Variants in VTA1 observed in about 807,000 individuals in gnomAD.
VTA1 encodes the protein vesicle trafficking 1.
In VTA1, 24 loss-of-function variants were observed where a neutral mutation model predicts 36.9. The observed-to-expected ratio is 0.65, with a 90% CI of 0.47 to 0.91. VTA1 has a LOEUF of 0.91. Ranked by LOEUF, VTA1 falls within the 40% of genes least tolerant of loss-of-function variation. The pLI is 0.00. For synonymous variants in VTA1, 142 were observed against 130.2 expected, an observed-to-expected ratio of 1.09 and a Z score of -0.62; for missense variants, 393 against 377.2, an observed-to-expected ratio of 1.04 and a Z score of -0.35.
chr6:142,168,740 C>CATTATTATT lies in VTA1; in HGVS notation c.208-776_208-768dup, dbSNP rs3079231. ...TCACACTATGTGCTCTGAGAGATAT[C>CATTATTATT]ATTATTATTATTATTATTATTATTA... On this transcript the variant is annotated intron_variant, in intron 2 of 7. Transcript: ENST00000367630. Among the ~76,000 whole-genome samples, 352 of 140,796 alleles carry CATTATTATT rather than the reference C, an allele frequency of 2.5e-3. 1 individual carries two copies. Among genetic ancestry groups the CATTATTATT allele is most frequent in the African/African-American group, 3.2e-3 (122 of 38,588 alleles). The allele number at this position is 140,796 out of a possible 152,430, so 92.4% of individuals were successfully genotyped here.
At chr6:142,151,669 C>T (rs1379150976) in intron 1 of VTA1, among the ~76,000 whole-genome samples, 2 of 152,218 alleles carry the variant, frequency 1.3e-5, no homozygotes, top group Admixed American at 6.5e-5. Context: ...TAGACATTCT[C>T]TTTAAACTAA....
rs1466152319 is a variant in VTA1 at position 142,153,452 on chromosome 6, A to G, written c.112+6053A>G. ...TTTATAATGAATTTTAGATTGAGTC[A>G]TAGGTCATATTATCATATGATTTAC... On this transcript the variant is annotated intron_variant, in intron 1 of 7. Coordinates refer to ENST00000367630, the MANE Select transcript of VTA1 (RefSeq NM_016485.5). Among the ~76,000 whole-genome samples, 3 of 151,990 alleles carry G rather than the reference A, an allele frequency of 2.0e-5. No individual in the cohort carries two copies. In the East Asian group the frequency reaches 5.8e-4, roughly 29 times the overall value.
Position 142,220,451 on chromosome 6 carries a change from G to C in VTA1, c.*1808G>C, listed in dbSNP as rs1776088028. The C allele has an allele frequency of 6.6e-6, 1 of 152,188 alleles. No individual in the cohort carries two copies. The highest frequency in any genetic ancestry group is 1.5e-5 in the Non-Finnish European group (1 of 68,050). The allele number at this position is 152,188 out of a possible 1,614,324, so 9.4% of individuals were successfully genotyped here. A position where few individuals can be genotyped will look rare whatever the true frequency, so the allele number is the denominator to read the frequency against. On this transcript the variant is annotated 3_prime_UTR_variant, in exon 8 of 8. Transcript: ENST00000367630. ...GGAGTCCGCTGGTAGTGGGCTGCATGGTGTGACAGAGCCCTTCTCTGTAAA... is the reference window on the plus strand; with the variant it reads ...GGAGTCCGCTGGTAGTGGGCTGCATCGTGTGACAGAGCCCTTCTCTGTAAA...
At chr6:142,163,067 T>G (rs963927642) in intron 1 of VTA1, among the ~76,000 whole-genome samples, 3 of 152,178 alleles carry the variant, frequency 2.0e-5, no homozygotes, top group African/African-American at 7.2e-5. Flanking sequence ...TTTACTTGCT[T>G]ATTGCAGAAA....
chr6:142,202,918 G>A (rs939579935), intron 6 of VTA1, among the ~76,000 whole-genome samples: 5 of 151,648 alleles, frequency 3.3e-5, no homozygotes, highest in Admixed American at 1.3e-4. Flanking sequence ...AGTTCCAAAG[G>A]GTATAAATAC....
intron 7 of VTA1, among the ~76,000 whole-genome samples, chr6:142,205,666 A>G (rs1240470770): frequency 1.3e-5 from 2 of 152,154 alleles, no homozygotes; most frequent in Admixed American, 6.5e-5. Flanking sequence ...TTGGAAAGCA[A>G]TTGCTCCAAA....
rs950862983 is a variant in VTA1 at position 142,219,870 on chromosome 6, G to C, written c.*1227G>C. 6.6e-6 allele frequency: 1 copy of C among 152,130 alleles called. No individual in the cohort carries two copies. The highest frequency in any genetic ancestry group is 6.6e-5 in the Admixed American group (1 of 15,256). 9.4% of individuals were successfully genotyped at this position (152,130 alleles called of 1,614,324 possible). On this transcript the variant is annotated 3_prime_UTR_variant, in exon 8 of 8. Transcript: ENST00000367630. ...CGTAAATAAAGTTTCTTTGAAACAA[G>C]CCTACACTCATTCATTTATGTTTTG... is the stretch of plus-strand genomic sequence containing the variant.
intron 1 of VTA1, among the ~76,000 whole-genome samples, chr6:142,162,484 A>G (rs1774829514): frequency 1.3e-5 from 2 of 152,192 alleles, no homozygotes; most frequent in Non-Finnish European, 2.9e-5. Context: ...GATCATGAAT[A>G]ATTACCTGAT....
At position 142,183,811 on chromosome 6, in the gene VTA1, G is replaced by C. The variant is rs111905802; in HGVS notation, c.412-5615G>C. On this transcript the variant is annotated intron_variant, in intron 4 of 7. Transcript: ENST00000367630. ...TGCTAAATAGTATATGCAGCAGTTT[G>C]TAGGAATAGGGATGTTTTGGAAACA... Among the ~76,000 whole-genome samples the C allele has an allele frequency of 1.2e-3, 178 of 152,314 alleles. 2 individuals carry two copies. The highest frequency in any genetic ancestry group is 3.2e-3 in the African/African-American group (133 of 41,576).
At chr6:142,196,482 G>T (rs1261984369) in intron 5 of VTA1, among the ~76,000 whole-genome samples, 5 of 152,152 alleles carry the variant, frequency 3.3e-5, no homozygotes, top group African/African-American at 4.8e-5. Flanking sequence ...GTGAGAAATA[G>T]TGTTTAGTTC....
intron 1 of VTA1, among the ~76,000 whole-genome samples, chr6:142,148,911 G>A (rs1778512261): frequency 6.6e-6 from 1 of 152,184 alleles, no homozygotes; most frequent in South Asian, 2.1e-4. Flanking sequence ...TGTGACTGGA[G>A]TGGATGGGGC....
At chr6:142,148,226 T>C (rs1778494638) in intron 1 of VTA1, among the ~76,000 whole-genome samples, 1 of 152,200 alleles carries the variant, frequency 6.6e-6, no homozygotes. Flanking sequence ...ATGCGTCCAT[T>C]GTTGTGTATA....
chr6:142,190,604 G>A (rs1269947945), intron 5 of VTA1, among the ~76,000 whole-genome samples: 2 of 152,112 alleles, frequency 1.3e-5, no homozygotes, highest in Admixed American at 6.5e-5. Context: ...TGTATTAGAC[G>A]TAGTAAATAG....
At chr6:142,175,877 T>G (rs1489791594) in intron 4 of VTA1, among the ~76,000 whole-genome samples, 1 of 152,184 alleles carries the variant, frequency 6.6e-6, no homozygotes, top group Non-Finnish European at 1.5e-5. Flanking sequence ...TTTAATATTT[T>G]GTCTGCCACT....
intron 7 of VTA1, among the ~76,000 whole-genome samples, chr6:142,208,980 T>A (rs1775848895): frequency 6.6e-6 from 1 of 152,290 alleles, no homozygotes; most frequent in Middle Eastern, 3.4e-3. Flanking sequence ...TGTATATAAT[T>A]TTTTAGTATA....
chr6:142,169,319 A>G (rs1486806863), intron 2 of VTA1, among the ~76,000 whole-genome samples: 1 of 152,206 alleles, frequency 6.6e-6, no homozygotes, highest in African/African-American at 2.4e-5. Context: ...GAGCTAAATT[A>G]TATTTTCAGT....
intron 6 of VTA1, among the ~76,000 whole-genome samples, chr6:142,203,325 A>G (rs1328246725): frequency 6.6e-6 from 1 of 152,016 alleles, no homozygotes; most frequent in Admixed American, 6.6e-5. Flanking sequence ...GGAGTAATCA[A>G]CTTTTCCTCA....
intron 7 of VTA1, among the ~76,000 whole-genome samples, chr6:142,216,881 GCC>G (rs1285483347): frequency 6.6e-6 from 1 of 152,124 alleles, no homozygotes; most frequent in African/African-American, 2.4e-5. Flanking sequence ...TTAAAAGAGT[GCC>G]CTGAGATAGG....
chr6:142,189,115 C>T (rs928245087), intron 4 of VTA1, among the ~76,000 whole-genome samples: 2 of 152,086 alleles, frequency 1.3e-5, no homozygotes, highest in African/African-American at 4.8e-5. Context: ...GCCTATTTCT[C>T]CCCTGTGCAG....
Sources: gnomAD v4.1 joint callset for allele counts (sites outside exome capture counted in the v4.1 genomes callset) on GRCh38, gnomAD v4.1.1 for gene constraint, MANE v1.5 for transcripts, NCBI Gene and HGNC (gene_info 2026-07-23, HGNC 2026-07-21) for gene names.